KCNMA1: variants seen among roughly 807,000 people sequenced by gnomAD.
KCNMA1 encodes Calcium-activated potassium channel subunit alpha-1.
Under a neutral mutation model 140.0 loss-of-function variants are expected in KCNMA1, and 29 were observed. The ratio of observed to expected loss-of-function variants is 0.21; its 90% CI spans 0.15 to 0.28. The LOEUF (loss-of-function observed/expected upper bound fraction) is 0.28, where lower values mean the gene tolerates loss of function less well. Ranked by LOEUF, KCNMA1 falls within the 10% of genes least tolerant of loss-of-function variation. The probability of loss-of-function intolerance (pLI) is 1.00; values close to 1 mark genes in which losing one functional copy is unlikely to be tolerated. For missense variants in KCNMA1, 880 were observed against 1,602.2 expected (o/e 0.55, Z 7.70); for synonymous variants, 612 against 611.9 (o/e 1.00, Z 0.00).
chr10:77,336,387 A>C (rs2154371065), intron 2 of KCNMA1, among the ~76,000 whole-genome samples: 1 of 152,182 alleles, frequency 6.6e-6, no homozygotes, highest in South Asian at 2.1e-4. Flanking sequence ...CTGAGGTTTC[A>C]TACACTGTGA....
At chr10:77,572,552 CA>C (rs200696383) in intron 1 of KCNMA1, among the ~76,000 whole-genome samples, 1,551 of 38,742 alleles carry the variant, frequency 0.04, 81 homozygotes, top group African/African-American at 0.14. Context: ...TCTGTCGCTC[CA>C]AAAAAAAAAA....
intron 1 of KCNMA1, among the ~76,000 whole-genome samples, chr10:77,552,111 G>A (rs2063003750): frequency 6.6e-6 from 1 of 152,198 alleles, no homozygotes; most frequent in African/African-American, 2.4e-5. Context: ...GCAGAAGGCT[G>A]GGAAGCTAGA....
chr10:76,929,505 T>C (rs1448912411), intron 23 of KCNMA1, among the ~76,000 whole-genome samples: 1 of 152,234 alleles, frequency 6.6e-6, no homozygotes, highest in Non-Finnish European at 1.5e-5. Context: ...TTATATGCTT[T>C]CCAAATCTCC....
intron 5 of KCNMA1, among the ~76,000 whole-genome samples, chr10:77,160,327 T>C (rs1342497801): frequency 2.6e-5 from 4 of 152,202 alleles, no homozygotes; most frequent in African/African-American, 7.2e-5. Context: ...TGGAATGCTC[T>C]TGGCCCTCCA....
intron 1 of KCNMA1, among the ~76,000 whole-genome samples, chr10:77,558,224 A>G (rs1274188526): frequency 6.6e-6 from 1 of 152,104 alleles, no homozygotes; most frequent in Non-Finnish European, 1.5e-5. Context: ...CATAATTCTG[A>G]TCTTAAAAAA....
At chr10:77,454,640 C>T (rs1253602898) in intron 1 of KCNMA1, among the ~76,000 whole-genome samples, 2 of 152,200 alleles carry the variant, frequency 1.3e-5, no homozygotes, top group African/African-American at 4.8e-5. Context: ...AGTTGATCAG[C>T]GATCACGATA....
At chr10:77,219,752 T>G (rs1021917675) in intron 3 of KCNMA1, among the ~76,000 whole-genome samples, 1 of 152,168 alleles carries the variant, frequency 6.6e-6, no homozygotes, top group Non-Finnish European at 1.5e-5. Context: ...CCCAAGTAGC[T>G]GGGACTACAG....
At position 77,119,147 on chromosome 10, in the gene KCNMA1, G is replaced by A. The variant is rs145022304; in HGVS notation, c.884+1826C>T. Among the ~76,000 whole-genome samples the A allele has an allele frequency of 2.3e-4, 35 of 152,320 alleles. No individual in the cohort carries two copies. The East Asian group carries it at 5.6e-3, about 24-fold the overall frequency. On this transcript the variant is annotated intron_variant, in intron 6 of 27. Transcript: ENST00000286628. ...GCTCTGCACTGAGAGAGGCAGCACT[G>A]AGTGCAGTTGGCAGGTGAGCTGACA...
At chr10:77,435,716 A>G (rs1190704790) in intron 1 of KCNMA1, among the ~76,000 whole-genome samples, 2 of 152,256 alleles carry the variant, frequency 1.3e-5, no homozygotes, top group African/African-American at 4.8e-5. Context: ...AATCAAGCGC[A>G]TGGAAGAAAG....
At chr10:76,948,084 A>G (rs1485630583) in intron 22 of KCNMA1, among the ~76,000 whole-genome samples, 1 of 152,108 alleles carries the variant, frequency 6.6e-6, no homozygotes, top group African/African-American at 2.4e-5. Flanking sequence ...AGCCCACTGC[A>G]GCCTCCACCT....
intron 18 of KCNMA1, chr10:77,008,168 G>C: frequency 6.5e-7 from 1 of 1,534,508 alleles, no homozygotes; most frequent in South Asian, 1.2e-5. Context: ...GGGCTGCTGG[G>C]AACCCGTTTT....
chr10:77,083,523 A>AAT (rs1162019845), intron 12 of KCNMA1, among the ~76,000 whole-genome samples: 5 of 142,464 alleles, frequency 3.5e-5, no homozygotes, highest in Non-Finnish European at 1.6e-5. Context: ...AAAAAAAAAA[A>AAT]GGGAGGGCAG....
In KCNMA1 at chr10:77,298,239, T is replaced by TTTTA. The variant is rs200773224; in HGVS notation, c.541-46987_541-46984dup. The stretch of plus-strand genomic sequence containing the variant: ...CCTTCAGAAATACCTGGGGAGCTTA[T>TTTTA]TTTATTTATTTATTTATTTTGAGAC... On this transcript the variant is annotated intron_variant, in intron 2 of 27. Transcript: ENST00000286628. Among the ~76,000 whole-genome samples, 1,343 of 152,172 alleles carry TTTTA rather than the reference T, an allele frequency of 8.8e-3. 11 individuals are homozygous for TTTTA. Among genetic ancestry groups the TTTTA allele is most frequent in the Non-Finnish European group, 0.013 (915 of 67,978 alleles).
rs566356247 is a variant in KCNMA1 at position 77,593,341 on chromosome 10, C to T, written c.378+43924G>A. Among the ~76,000 whole-genome samples, 24 of 152,292 alleles carry T rather than the reference C, an allele frequency of 1.6e-4. No homozygotes were observed. The East Asian group carries it at 1.7e-3, about 11-fold the overall frequency. On this transcript the variant is annotated intron_variant, in intron 1 of 27. Coordinates refer to ENST00000286628, the MANE Select transcript of KCNMA1 (RefSeq NM_001161352.2). The stretch of plus-strand genomic sequence containing the variant: ...AGGCGCCAGGTCACCATCTATAAAG[C>T]GATACATTTGGATTAGTTAATCCTC...
chr10:77,245,062 G>C (rs936105710), intron 3 of KCNMA1, among the ~76,000 whole-genome samples: 4 of 151,952 alleles, frequency 2.6e-5, no homozygotes, highest in African/African-American at 9.7e-5. Flanking sequence ...GAAAACTGGG[G>C]GGAGTATTTT....
chr10:77,054,283 C>T (rs1421528681), intron 14 of KCNMA1, among the ~76,000 whole-genome samples: 1 of 152,070 alleles, frequency 6.6e-6, no homozygotes, highest in Non-Finnish European at 1.5e-5. Flanking sequence ...TTCTCATTGC[C>T]AAATTTTAGC....
At chr10:77,259,404 T>C (rs1302707671) in intron 2 of KCNMA1, among the ~76,000 whole-genome samples, 1 of 151,960 alleles carries the variant, frequency 6.6e-6, no homozygotes, top group Non-Finnish European at 1.5e-5. Context: ...ATACTCTGTG[T>C]GCAATGGACT....
intron 20 of KCNMA1, among the ~76,000 whole-genome samples, chr10:76,969,300 G>GGAAGGAA (rs2075214269): frequency 1.8e-5 from 2 of 109,288 alleles, no homozygotes; most frequent in African/African-American, 3.4e-5. Context: ...GAAGGAAGGA[G>GGAAGGAA]GGAAGGAAGG....
In KCNMA1 at chr10:77,001,417, A is replaced by C. The variant is rs973869093; in HGVS notation, c.2256T>G (p.Ser752Arg). ...TGAGGTTAAACTTACAGGCACGGAA[A>C]CTGGTGGAGCAATCATTAACAGAGA... The part of the protein sequence containing the change: ...SSVSVNDCST[S>R]FRAFEDEQPS... Residue 752 changes from serine to arginine, a missense_variant, in exon 19 of 28, where the codon AGT becomes AGG. Around this residue, in one of 13 missense-constraint regions of KCNMA1, gnomAD observed 196 missense variants for 233.0 expected, o/e 0.84. Coordinates refer to ENST00000286628, the MANE Select transcript of KCNMA1 (RefSeq NM_001161352.2). The C allele has an allele frequency of 3.2e-6, 5 of 1,551,672 alleles. No individual in the cohort carries two copies. Among genetic ancestry groups the C allele is most frequent in the Non-Finnish European group, 3.5e-6 (4 of 1,146,944 alleles).
Sources: allele counts gnomAD v4.1 joint callset (sites outside exome capture counted in the v4.1 genomes callset), GRCh38; gene constraint gnomAD v4.1.1; regional missense constraint gnomAD v4.1.1; transcripts MANE v1.5; gene names NCBI Gene and HGNC (gene_info 2026-07-23, HGNC 2026-07-21).